Variants in ALDH9A1 observed in about 807,000 individuals in gnomAD.
ALDH9A1 encodes the protein aldehyde dehydrogenase 9 family member A1.
Under a neutral mutation model 56.6 loss-of-function variants are expected in ALDH9A1, and 42 were observed. That is an observed-to-expected ratio of 0.74 (90% CI 0.58 to 0.96). ALDH9A1 has a LOEUF of 0.96. ALDH9A1 is among the 40% of genes least tolerant of loss of function. The pLI, the probability that ALDH9A1 is intolerant of heterozygous loss-of-function variation, is 0.00. For synonymous variants in ALDH9A1, 242 were observed against 236.0 expected, an observed-to-expected ratio of 1.03 and a Z score of -0.23; for missense variants, 661 against 651.5, an observed-to-expected ratio of 1.01 and a Z score of -0.16.
chr1:165,667,022 CAT>C (rs560232667), intron 9 of ALDH9A1, among the ~76,000 whole-genome samples: 40 of 152,266 alleles, frequency 2.6e-4, no homozygotes, highest in Non-Finnish European at 2.9e-4. Flanking sequence ...AATTCCTTGA[CAT>C]GTGTGTTTTC....
chr1:165,669,395 G>C lies in ALDH9A1; in HGVS notation c.986C>G (p.Thr329Arg). 1 of 1,613,676 alleles carries C rather than the reference G, an allele frequency of 6.2e-7. No homozygotes were observed. Among genetic ancestry groups the C allele is most frequent in the Non-Finnish European group, 8.5e-7 (1 of 1,179,862 alleles). Residue 329 changes from threonine (T) to arginine (R), a missense_variant, in exon 7 of 11, where the codon ACA becomes AGA. Transcript: ENST00000354775. ...FVQKEILDKF[T>R]EEVVKQTQRI... Reference sequence around the variant, plus strand: ...TTGGGTCTGTTTCACCACTTCCTCTGTAAATTTATCAAGAATTTCTTTCTG... The same window carrying C: ...TTGGGTCTGTTTCACCACTTCCTCTCTAAATTTATCAAGAATTTCTTTCTG...
chr1:165,684,095 G>GA (rs1348778053), intron 2 of ALDH9A1, among the ~76,000 whole-genome samples: 1 of 152,156 alleles, frequency 6.6e-6, no homozygotes, highest in African/African-American at 2.4e-5. Context: ...CAGAAAAGAT[G>GA]AAAGTAGGAA....
intron 2 of ALDH9A1, among the ~76,000 whole-genome samples, chr1:165,686,224 A>G (rs1256528569): frequency 6.6e-6 from 1 of 152,174 alleles, no homozygotes; most frequent in Non-Finnish European, 1.5e-5. Flanking sequence ...GGAGGAGGGA[A>G]CCAATGAGGT....
chr1:165,668,898 T>C, intron 8 of ALDH9A1, 28 bp downstream of exon 8: 1 of 1,465,290 alleles, frequency 6.8e-7, no homozygotes, highest in Non-Finnish European at 9.5e-7. Context: ...ATTCAAATCA[T>C]CTAAAAGCAA....
At position 165,662,594 on chromosome 1, in the gene ALDH9A1, G is replaced by A. The variant is rs1055522656; in HGVS notation, c.*456C>T. On this transcript the variant is annotated 3_prime_UTR_variant, in exon 11 of 11. Transcript: ENST00000354775. Reference sequence around the variant, plus strand: ...TTTTTGTTTTTTTTCTTCAAGACTAGGCAAGTGAAGCAGTGGGAATGGAGA... The same window carrying A: ...TTTTTGTTTTTTTTCTTCAAGACTAAGCAAGTGAAGCAGTGGGAATGGAGA... 6.5e-6 allele frequency: 1 copy of A among 153,588 alleles called. No individual in the cohort carries two copies. Among genetic ancestry groups the A allele is most frequent in the African/African-American group, 2.4e-5 (1 of 41,356 alleles). 9.5% of individuals were successfully genotyped at this position (153,588 alleles called of 1,614,324 possible). A position where few individuals can be genotyped will look rare whatever the true frequency, so the allele number is the denominator to read the frequency against.
intron 6 of ALDH9A1, chr1:165,676,831 C>G: frequency 2.8e-6 from 1 of 360,674 alleles, no homozygotes; most frequent in South Asian, 2.7e-5. Flanking sequence ...AATTGTTTCT[C>G]TTTATTTAGT....
intron 2 of ALDH9A1, among the ~76,000 whole-genome samples, chr1:165,695,042 A>C (rs1267567740): frequency 1.3e-5 from 2 of 152,160 alleles, no homozygotes; most frequent in African/African-American, 4.8e-5. Flanking sequence ...CAAACATGAA[A>C]ACCTGCCAAA....
At chr1:165,688,103 G>C (rs1327749273) in intron 2 of ALDH9A1, among the ~76,000 whole-genome samples, 1 of 152,158 alleles carries the variant, frequency 6.6e-6, no homozygotes. Flanking sequence ...GATGACTTGA[G>C]CCCAGGAGAT....
intron 2 of ALDH9A1, among the ~76,000 whole-genome samples, chr1:165,686,477 A>T (rs1351522240): frequency 6.6e-6 from 1 of 151,030 alleles, no homozygotes; most frequent in African/African-American, 2.4e-5. Context: ...ACTACCCAAG[A>T]CTGGGAAAAG....
chr1:165,675,225 A>G (rs1479592648), intron 6 of ALDH9A1, among the ~76,000 whole-genome samples: 1 of 150,626 alleles, frequency 6.6e-6, no homozygotes, highest in Admixed American at 6.7e-5. Flanking sequence ...ATAAATTCAC[A>G]TTACGTCACA....
intron 2 of ALDH9A1, among the ~76,000 whole-genome samples, chr1:165,688,403 C>T (rs1005889335): frequency 6.6e-6 from 1 of 152,170 alleles, no homozygotes; most frequent in African/African-American, 2.4e-5. Context: ...TCTGGGTCTA[C>T]ACAAATGACT....
Position 165,680,435 on chromosome 1 carries a change from T to C in ALDH9A1, c.789+52A>G, listed in dbSNP as rs1391094136. 3.8e-6 allele frequency: 6 copies of C among 1,584,380 alleles called. No individual in the cohort carries two copies. The East Asian group carries it at 1.1e-4, about 30-fold the overall frequency. ...AAAATATACTCTGGGTAGGACCGGA[T>C]TTGCCACATCCAAATGCCATGTGTG... On this transcript the variant is annotated intron_variant, in intron 5 of 10. Coordinates refer to ENST00000354775, the MANE Select transcript of ALDH9A1 (RefSeq NM_000696.4).
At chr1:165,683,253 T>G (rs1649609061) in intron 2 of ALDH9A1, 143 bp from the exon 3 acceptor site, 2 of 898,262 alleles carry the variant, frequency 2.2e-6, no homozygotes, top group Admixed American at 4.4e-5. Context: ...GTGTTACATT[T>G]AGAAGAGAGA....
rs572921213 is a variant in ALDH9A1, at chr1:165,672,554, G to A, written c.931-3104C>T. ...TAATGGGGTACACAGTTTTCAATGT[G>A]GGGTGATGAAAAAGTTCTAGAGATG... On this transcript the variant is annotated intron_variant, in intron 6 of 10. Coordinates refer to ENST00000354775, the MANE Select transcript of ALDH9A1 (RefSeq NM_000696.4). Among the ~76,000 whole-genome samples the A allele has an allele frequency of 7.0e-4, 107 of 152,242 alleles. 1 individual carries two copies. Among genetic ancestry groups the A allele is most frequent in the Non-Finnish European group, 1.4e-3 (97 of 68,002 alleles).
chr1:165,692,346 G>C (rs1649919761), intron 2 of ALDH9A1, among the ~76,000 whole-genome samples: 1 of 152,178 alleles, frequency 6.6e-6, no homozygotes, highest in Admixed American at 6.5e-5. Context: ...TCCTTAAGGT[G>C]ATAAGCTACT....
chr1:165,691,903 AG>A (rs1558012494), intron 2 of ALDH9A1, among the ~76,000 whole-genome samples: 1 of 152,226 alleles, frequency 6.6e-6, no homozygotes, highest in Non-Finnish European at 1.5e-5. Context: ...CTGGGATGCA[AG>A]GCTGGTTCAA....
Position 165,669,534 on chromosome 1 carries a change from T to G in ALDH9A1, c.931-84A>C. ...GAAAAATGAACACAATCTAAAAACTTTAAACTGAAAAGAGACACTATACAT... is the reference window on the plus strand; with the variant it reads ...GAAAAATGAACACAATCTAAAAACTGTAAACTGAAAAGAGACACTATACAT... On this transcript the variant is annotated intron_variant, in intron 6 of 10. Coordinates refer to ENST00000354775, the MANE Select transcript of ALDH9A1 (RefSeq NM_000696.4). 8.1e-6 allele frequency: 10 copies of G among 1,239,242 alleles called. No homozygotes were observed. The South Asian group carries it at 1.6e-4, about 20-fold the overall frequency. 76.8% of individuals were successfully genotyped at this position (1,239,242 alleles called of 1,614,324 possible).
At chr1:165,672,846 A>G (rs1649222947) in intron 6 of ALDH9A1, among the ~76,000 whole-genome samples, 1 of 152,020 alleles carries the variant, frequency 6.6e-6, no homozygotes, top group Non-Finnish European at 1.5e-5. Flanking sequence ...CTGAAGTGGG[A>G]ATATCACTTG....
intron 5 of ALDH9A1, 72 bp from the exon 6 acceptor site, chr1:165,679,654 G>A: frequency 1.3e-6 from 2 of 1,507,552 alleles, no homozygotes; most frequent in South Asian, 1.2e-5. Flanking sequence ...ACTAGGCCCT[G>A]AACCTACAAA....
Sources: gnomAD v4.1 joint callset for allele counts (sites outside exome capture counted in the v4.1 genomes callset) on GRCh38, gnomAD v4.1.1 for gene constraint, MANE v1.5 for transcripts, NCBI Gene and HGNC (gene_info 2026-07-23, HGNC 2026-07-21) for gene names.